The following GPRIN3 variants were observed in gnomAD, a reference collection of about 807,000 sequenced individuals.
GPRIN3 encodes G protein-regulated inducer of neurite outgrowth 3.
Under a neutral mutation model 13.7 loss-of-function variants are expected in GPRIN3, and 12 were observed. The observed-to-expected ratio is 0.87, with a 90% CI of 0.56 to 1.42. The LOEUF (loss-of-function observed/expected upper bound fraction) is 1.42, where lower values mean the gene tolerates loss of function less well. GPRIN3 is among the 40% of genes most tolerant of loss of function. The probability of loss-of-function intolerance (pLI) is 0.00; values close to 1 mark genes in which losing one functional copy is unlikely to be tolerated. For missense variants in GPRIN3, 1,009 were observed against 958.7 expected, an observed-to-expected ratio of 1.05 and a Z score of -0.69; for synonymous variants, 377 against 372.7, an observed-to-expected ratio of 1.01 and a Z score of -0.13.
At chr4:89,293,580 C>T (rs565498634) in intron 1 of GPRIN3, among the ~76,000 whole-genome samples, 21 of 152,314 alleles carry the variant, frequency 1.4e-4, no homozygotes, top group South Asian at 4.1e-4. Context: ...CAGTCCCTTT[C>T]GGGCTGTTCA....
chr4:89,260,596 T>C (rs1723597336), intron 1 of GPRIN3, among the ~76,000 whole-genome samples: 1 of 151,966 alleles, frequency 6.6e-6, no homozygotes, highest in South Asian at 2.1e-4. Context: ...TGAGCAAGAG[T>C]GTATATAATT....
intron 1 of GPRIN3, among the ~76,000 whole-genome samples, chr4:89,287,097 T>C (rs1017545348): frequency 6.6e-6 from 1 of 152,220 alleles, no homozygotes; most frequent in African/African-American, 2.4e-5. Context: ...TTATTGAGGC[T>C]TCTTATGTAT....
chr4:89,302,603 G>A (rs1334156632), intron 1 of GPRIN3, among the ~76,000 whole-genome samples: 1 of 152,134 alleles, frequency 6.6e-6, no homozygotes, highest in Non-Finnish European at 1.5e-5. Flanking sequence ...TTAGAAAGCT[G>A]TTACTATGTT....
At position 89,247,583 on chromosome 4, in the gene GPRIN3, C is replaced by T; in HGVS notation, c.*197G>A. 1.4e-5 allele frequency: 7 copies of T among 500,448 alleles called. No homozygotes were observed. Among genetic ancestry groups the T allele is most frequent in the African/African-American group, 3.9e-5 (2 of 51,012 alleles). The allele number at this position is 500,448 out of a possible 1,614,324, so 31.0% of individuals were successfully genotyped here. A position where few individuals can be genotyped will look rare whatever the true frequency, so the allele number is the denominator to read the frequency against. On this transcript the variant is annotated 3_prime_UTR_variant, in exon 2 of 2. Transcript: ENST00000609438. ...GAAGCTTGTTTCTCTTTTCTTGTTC[C>T]TTCTTTCAAATTGAAATGACATTTT...
At chr4:89,257,942 C>T (rs935306394) in intron 1 of GPRIN3, among the ~76,000 whole-genome samples, 1 of 151,956 alleles carries the variant, frequency 6.6e-6, no homozygotes, top group African/African-American at 2.4e-5. Context: ...TTGATGAAAA[C>T]CATGAACCCT....
At position 89,238,907 on chromosome 4, in the gene GPRIN3, A is replaced by T. The variant is rs1238802007; in HGVS notation, c.*8873T>A. On this transcript the variant is annotated 3_prime_UTR_variant, in exon 2 of 2. Transcript: ENST00000609438. ...AAAAGTGAGATGCAAAAAAATCATA[A>T]TCTAAATTTTTTGATGGTAAAACTA... The T allele has an allele frequency of 6.6e-6, 1 of 152,216 alleles. No homozygotes were observed. The highest frequency in any genetic ancestry group is 1.9e-4 in the East Asian group (1 of 5,198). 9.4% of individuals were successfully genotyped at this position (152,216 alleles called of 1,614,324 possible). A position where few individuals can be genotyped will look rare whatever the true frequency, so the allele number is the denominator to read the frequency against.
Position 89,248,826 on chromosome 4 carries a change from T to C in GPRIN3, c.1285A>G (p.Asn429Asp), listed in dbSNP as rs761653957. The C allele has an allele frequency of 1.9e-5, 30 of 1,614,082 alleles. No individual in the cohort carries two copies. The Admixed American group carries it at 5.0e-4, about 27-fold the overall frequency. The change falls in exon 2 of 2, where the codon AAT (asparagine) becomes GAT (aspartate). Residue 429 changes from asparagine to aspartate, a missense_variant. By Grantham distance (23) the Asn-to-Asp change is conservative. Transcript: ENST00000609438. ...KTSSINLVSS[N>D]AQHTCKEDGR... The stretch of plus-strand genomic sequence containing the variant: ...TCTTCTTTACACGTATGCTGGGCAT[T>C]ACTGGAGACCAAATTGATTGATGAG...
At position 89,247,721 on chromosome 4, in the gene GPRIN3, A is replaced by G. The variant is rs980768743; in HGVS notation, c.*59T>C. On this transcript the variant is annotated 3_prime_UTR_variant, in exon 2 of 2. Transcript: ENST00000609438. ...AGCAAAAAACTAAGCAAGCTTTGAC[A>G]TAGAGGGACGCATGTGAATACCGTA... is the stretch of plus-strand genomic sequence containing the variant. The G allele has an allele frequency of 1.8e-5, 27 of 1,501,924 alleles. No homozygotes were observed. Among genetic ancestry groups the G allele is most frequent in the East Asian group, 2.3e-5 (1 of 43,958 alleles). 93.0% of individuals were successfully genotyped at this position (1,501,924 alleles called of 1,614,324 possible).
rs1041977298 is a variant in GPRIN3 at position 89,249,773 on chromosome 4, G to A, written c.338C>T (p.Pro113Leu). The A allele has an allele frequency of 1.1e-5, 18 of 1,614,054 alleles. No homozygotes were observed. Among genetic ancestry groups the A allele is most frequent in the South Asian group, 2.2e-5 (2 of 91,090 alleles). Residue 113 changes from proline to leucine, a missense_variant, in exon 2 of 2, where the codon CCG becomes CTG. By Grantham distance (98) the Pro-to-Leu change is moderately conservative (BLOSUM62 -3). Transcript: ENST00000609438. ...PGSSQPAASA[P>L]SSAAGRDLIH... is the part of the protein sequence containing the mutation. The stretch of plus-strand genomic sequence containing the variant: ...AAGATCCCTTCCTGCTGCAGAACTC[G>A]GGGCTGATGCTGCGGGCTGGCTGCT...
intron 1 of GPRIN3, among the ~76,000 whole-genome samples, chr4:89,277,739 G>A (rs549374188): frequency 1.8e-4 from 27 of 152,146 alleles, no homozygotes; most frequent in Non-Finnish European, 3.2e-4. Flanking sequence ...CTAGTTTCAC[G>A]CTGTGGTCAC....
At chr4:89,267,936 G>A (rs1723826115) in intron 1 of GPRIN3, among the ~76,000 whole-genome samples, 1 of 152,102 alleles carries the variant, frequency 6.6e-6, no homozygotes, top group African/African-American at 2.4e-5. Context: ...TTATCATCTA[G>A]TACACACCTA....
At position 89,282,545 on chromosome 4, in the gene GPRIN3, C is replaced by T. The variant is rs72872569; in HGVS notation, c.-124+25070G>A. ...CAGTCCAGGACAGCTTTGAACATAG[C>T]CCAACACAAATCTGTAAACTTTCTT... is the stretch of plus-strand genomic sequence containing the variant. On this transcript the variant is annotated intron_variant, in intron 1 of 1. Coordinates refer to ENST00000609438, the MANE Select transcript of GPRIN3 (RefSeq NM_198281.3). Among the ~76,000 whole-genome samples the T allele has an allele frequency of 7.0e-3, 1,065 of 151,914 alleles. 12 individuals are homozygous for T. The highest frequency in any genetic ancestry group is 0.025 in the African/African-American group (1,030 of 41,430).
In GPRIN3 at chr4:89,236,985, A is replaced by C. The variant is rs1200370326; in HGVS notation, c.*10795T>G. ...TTTAAGAAGTCTTATCTTGCTTTTA[A>C]ACACCTATAATAATCTTTGGCAATG... On this transcript the variant is annotated 3_prime_UTR_variant, in exon 2 of 2. Transcript: ENST00000609438. 6.6e-6 allele frequency: 1 copy of C among 152,188 alleles called. No homozygotes were observed. Among genetic ancestry groups the C allele is most frequent in the Non-Finnish European group, 1.5e-5 (1 of 68,036 alleles). 9.4% of individuals were successfully genotyped at this position (152,188 alleles called of 1,614,324 possible). A position where few individuals can be genotyped will look rare whatever the true frequency, so the allele number is the denominator to read the frequency against.
intron 1 of GPRIN3, among the ~76,000 whole-genome samples, chr4:89,251,931 A>T (rs1723339665): frequency 6.6e-6 from 1 of 152,108 alleles, no homozygotes; most frequent in African/African-American, 2.4e-5. Flanking sequence ...GAAATGATTT[A>T]GGGCATATCA....
chr4:89,241,584 C>G lies in GPRIN3; in HGVS notation c.*6196G>C, dbSNP rs1482492187. On this transcript the variant is annotated 3_prime_UTR_variant, in exon 2 of 2. Coordinates refer to ENST00000609438, the MANE Select transcript of GPRIN3 (RefSeq NM_198281.3). The stretch of plus-strand genomic sequence containing the variant: ...CTTTTTCAACCTTAATAAAAGGTAT[C>G]TCCAGGGGCCCTTAAAACAAGAATT... 4 of 152,120 alleles carry G rather than the reference C, an allele frequency of 2.6e-5. No homozygotes were observed. The highest frequency in any genetic ancestry group is 4.4e-5 in the Non-Finnish European group (3 of 68,012). 9.4% of individuals were successfully genotyped at this position (152,120 alleles called of 1,614,324 possible). A position where few individuals can be genotyped will look rare whatever the true frequency, so the allele number is the denominator to read the frequency against.
intron 1 of GPRIN3, among the ~76,000 whole-genome samples, chr4:89,280,744 A>G (rs1247044492): frequency 2.0e-5 from 3 of 152,218 alleles, no homozygotes; most frequent in Non-Finnish European, 2.9e-5. Context: ...TATAAGAAAG[A>G]AATTAGGACA....
intron 1 of GPRIN3, among the ~76,000 whole-genome samples, chr4:89,294,185 T>C (rs1241009972): frequency 6.6e-6 from 1 of 152,218 alleles, no homozygotes; most frequent in African/African-American, 2.4e-5. Context: ...ATTAGCTGCT[T>C]CTTCGAAATT....
chr4:89,278,910 A>G (rs1248211645), intron 1 of GPRIN3, among the ~76,000 whole-genome samples: 1 of 152,224 alleles, frequency 6.6e-6, no homozygotes, highest in Non-Finnish European at 1.5e-5. Context: ...GTACAAACCA[A>G]GTCATGGTAG....
rs1723222704 is a variant in GPRIN3, at chr4:89,249,121, G to C, written c.990C>G (p.Ser330Arg). ...AEVQAVASVE[S>R]RSVSTSPSIL... is the part of the protein sequence containing the mutation. Reference sequence around the variant, plus strand: ...TACTGGGGCTGGTGGAGACGGATCTGCTCTCGACACTCGCCACTGCCTGCA... The same window carrying C: ...TACTGGGGCTGGTGGAGACGGATCTCCTCTCGACACTCGCCACTGCCTGCA... The change falls in exon 2 of 2, where the codon AGC (serine) becomes AGG (arginine). Residue 330 changes from serine (S) to arginine (R), a missense_variant. By Grantham distance (110) the Ser-to-Arg change is moderately radical. Coordinates refer to ENST00000609438, the MANE Select transcript of GPRIN3 (RefSeq NM_198281.3). 1.9e-6 allele frequency: 3 copies of C among 1,614,172 alleles called. No homozygotes were observed. The East Asian group carries it at 6.7e-5, about 36-fold the overall frequency.
Sources: allele counts gnomAD v4.1 joint callset (sites outside exome capture counted in the v4.1 genomes callset), GRCh38; gene constraint gnomAD v4.1.1; transcripts MANE v1.5; gene names NCBI Gene and HGNC (gene_info 2026-07-23, HGNC 2026-07-21).